Variants in SNAP91 observed in about 807,000 individuals in gnomAD.
SNAP91 encodes the protein clathrin coat assembly protein AP180.
In SNAP91, 27 loss-of-function variants were observed where a neutral mutation model predicts 100.3. That is an observed-to-expected ratio of 0.27 (90% CI 0.20 to 0.37). The LOEUF is 0.37. Ranked by LOEUF, SNAP91 falls within the 10% of genes least tolerant of loss-of-function variation. SNAP91 has a pLI of 1.00. For missense variants in SNAP91, 986 were observed against 1,123.7 expected (o/e 0.88, Z 1.75); for synonymous variants, 404 against 398.6 (o/e 1.01, Z -0.16).
At chr6:83,647,819 C>T (rs75081761) in intron 7 of SNAP91, among the ~76,000 whole-genome samples, 10,891 of 152,026 alleles carry the variant, frequency 0.072, 405 homozygotes, top group African/African-American at 0.1. Flanking sequence ...TACCACACAC[C>T]AGATAACTTG....
At chr6:83,659,200 T>A (rs1407224286) in intron 5 of SNAP91, 108 bp from the exon 6 acceptor site, 3 of 771,280 alleles carry the variant, frequency 3.9e-6, no homozygotes, top group East Asian at 2.7e-5. Flanking sequence ...TCCTTATTAA[T>A]CCTGTGGGAT....
At chr6:83,687,842 C>G (rs2099080903) in intron 2 of SNAP91, among the ~76,000 whole-genome samples, 1 of 152,042 alleles carries the variant, frequency 6.6e-6, no homozygotes. Flanking sequence ...TCCTGACTGA[C>G]TGAAGGAAAT....
At chr6:83,554,503 T>G (rs1366213009) in intron 29 of SNAP91, among the ~76,000 whole-genome samples, 3 of 152,148 alleles carry the variant, frequency 2.0e-5, no homozygotes, top group African/African-American at 4.8e-5. Flanking sequence ...AAACTTTTGA[T>G]GTATAGTTTC....
At chr6:83,587,953 A>G (rs1196687064) in intron 22 of SNAP91, among the ~76,000 whole-genome samples, 1 of 152,204 alleles carries the variant, frequency 6.6e-6, no homozygotes, top group East Asian at 1.9e-4. Context: ...ATTAAGCCCT[A>G]TGGAAATTAA....
chr6:83,560,916 G>C lies in SNAP91; in HGVS notation c.2474C>G (p.Pro825Arg), dbSNP rs1302022597. 6.2e-7 allele frequency: 1 copy of C among 1,613,160 alleles called. No individual in the cohort carries two copies. Among genetic ancestry groups the C allele is most frequent in the South Asian group, 1.1e-5 (1 of 90,910 alleles). The change falls in exon 27 of 30, where the codon CCT becomes CGT. Residue 825 changes from proline (P) to arginine (R), a missense_variant. Coordinates refer to ENST00000369694, the MANE Select transcript of SNAP91 (RefSeq NM_001242792.2). ...QGAVPPTSSV[P>R]PVAGAPSVGQ... ...AACCGATGGGGCCCCGGCAACAGGA[G>C]GAACTGAACTGGTTGGAGGTACAGC...
At chr6:83,612,558 G>T (rs1415748280) in intron 11 of SNAP91, among the ~76,000 whole-genome samples, 1 of 151,884 alleles carries the variant, frequency 6.6e-6, no homozygotes, top group African/African-American at 2.4e-5. Flanking sequence ...TAGTGGTATT[G>T]ATACAATTAT....
intron 16 of SNAP91, among the ~76,000 whole-genome samples, chr6:83,595,116 C>T (rs1379401027): frequency 6.6e-6 from 1 of 151,440 alleles, no homozygotes; most frequent in African/African-American, 2.4e-5. Context: ...CTAAGCATTC[C>T]TAAGTGTTAA....
At chr6:83,680,481 C>T (rs985973842) in intron 2 of SNAP91, among the ~76,000 whole-genome samples, 4 of 152,136 alleles carry the variant, frequency 2.6e-5, no homozygotes, top group African/African-American at 9.7e-5. Context: ...AGCATGTTCA[C>T]CAGACAGGCA....
At chr6:83,679,458 T>C (rs1359434981) in intron 2 of SNAP91, among the ~76,000 whole-genome samples, 2 of 152,144 alleles carry the variant, frequency 1.3e-5, no homozygotes, top group Non-Finnish European at 2.9e-5. Flanking sequence ...AAATGAAGAC[T>C]GGGCAGAAAT....
chr6:83,622,524 A>G (rs1396002962), intron 9 of SNAP91, among the ~76,000 whole-genome samples: 1 of 152,142 alleles, frequency 6.6e-6, no homozygotes, highest in Non-Finnish European at 1.5e-5. Context: ...ATAAGATAGC[A>G]GCTCTGTGTT....
intron 7 of SNAP91, among the ~76,000 whole-genome samples, chr6:83,641,546 C>A (rs2128554102): frequency 6.6e-6 from 1 of 152,258 alleles, no homozygotes; most frequent in South Asian, 2.1e-4. Context: ...AGGATAATCT[C>A]AAAATTTATG....
chr6:83,586,335 G>C (rs1341321693), intron 22 of SNAP91, among the ~76,000 whole-genome samples: 1 of 152,188 alleles, frequency 6.6e-6, no homozygotes, highest in African/African-American at 2.4e-5. Flanking sequence ...GTGGTTAAGA[G>C]AACAAATGCA....
intron 2 of SNAP91, among the ~76,000 whole-genome samples, chr6:83,700,890 A>AT (rs1473692955): frequency 9.2e-5 from 14 of 152,270 alleles, no homozygotes; most frequent in African/African-American, 2.9e-4. Flanking sequence ...GAGCCACTGC[A>AT]TCCAGCTCAG....
At chr6:83,638,017 G>A (rs901446820) in intron 8 of SNAP91, among the ~76,000 whole-genome samples, 7 of 152,130 alleles carry the variant, frequency 4.6e-5, no homozygotes, top group Non-Finnish European at 1.0e-4. Flanking sequence ...CTGTGGGAGT[G>A]GCCAGGCAGG....
At chr6:83,617,884 T>C (rs2096565145) in intron 9 of SNAP91, among the ~76,000 whole-genome samples, 2 of 151,888 alleles carry the variant, frequency 1.3e-5, no homozygotes, top group Admixed American at 6.6e-5. Context: ...AACAGCAGCA[T>C]AGGCATTCAA....
chr6:83,582,119 A>T, intron 23 of SNAP91, 103 bp downstream of exon 23: 3 of 1,273,470 alleles, frequency 2.4e-6, no homozygotes, highest in Non-Finnish European at 3.2e-6. Flanking sequence ...TTATCACTCA[A>T]TATTTGCTTG....
At position 83,554,058 on chromosome 6, in the gene SNAP91, G is replaced by A. The variant is rs115432916; in HGVS notation, c.*238C>T. On this transcript the variant is annotated 3_prime_UTR_variant, in exon 30 of 30. Coordinates refer to ENST00000369694, the MANE Select transcript of SNAP91 (RefSeq NM_001242792.2). The stretch of plus-strand genomic sequence containing the variant: ...GTAACATCCATTCATTGTTTACATC[G>A]TACAATACACAAATAATCCAAATAC... 5.5e-3 allele frequency: 861 copies of A among 156,688 alleles called. 9 individuals are homozygous for A. The highest frequency in any genetic ancestry group is 0.019 in the African/African-American group (788 of 41,626). The allele number at this position is 156,688 out of a possible 1,614,324, so 9.7% of individuals were successfully genotyped here. A position where few individuals can be genotyped will look rare whatever the true frequency, so the allele number is the denominator to read the frequency against.
At chr6:83,561,321 A>G (rs1469813223) in intron 26 of SNAP91, among the ~76,000 whole-genome samples, 1 of 152,242 alleles carries the variant, frequency 6.6e-6, no homozygotes, top group African/African-American at 2.4e-5. Context: ...CTGGGATTAC[A>G]GGCATGAGCC....
chr6:83,704,788 G>T, intron 2 of SNAP91, among the ~76,000 whole-genome samples: 1 of 151,942 alleles, frequency 6.6e-6, no homozygotes, highest in East Asian at 1.9e-4. Flanking sequence ...GTAATAAATT[G>T]AAATTGTTTT....
Sources: allele counts gnomAD v4.1 joint callset (sites outside exome capture counted in the v4.1 genomes callset), GRCh38; gene constraint gnomAD v4.1.1; transcripts MANE v1.5; gene names NCBI Gene and HGNC (gene_info 2026-07-23, HGNC 2026-07-21).